PPARGC1A: variants seen among roughly 807,000 people sequenced by gnomAD.
PPARGC1A encodes the protein PPARG coactivator 1 alpha.
Under a neutral mutation model 88.7 loss-of-function variants are expected in PPARGC1A, and 25 were observed. The ratio of observed to expected loss-of-function variants is 0.28; its 90% confidence interval spans 0.21 to 0.39. The LOEUF (loss-of-function observed/expected upper bound fraction) is 0.39, where lower values mean the gene tolerates loss of function less well. Among genes scored for constraint, PPARGC1A ranks in the 10% least tolerant of loss-of-function variants. PPARGC1A has a pLI of 1.00. For synonymous variants in PPARGC1A, 363 were observed against 355.6 expected, an observed-to-expected ratio of 1.02 and a Z score of -0.24; for missense variants, 880 against 968.7, an observed-to-expected ratio of 0.91 and a Z score of 1.22.
At chr4:23,989,378 A>G in the PPARGC1A span, among the ~76,000 whole-genome samples, 5 of 152,002 alleles carry the variant, frequency 3.3e-5, no homozygotes, top group East Asian at 9.7e-4. Context: ...GGAATAGGGA[A>G]GTGTGGCATG....
At chr4:24,454,120 G>A in the PPARGC1A span, among the ~76,000 whole-genome samples, 1 of 151,730 alleles carries the variant, frequency 6.6e-6, no homozygotes, top group African/African-American at 2.4e-5. Context: ...GGCTGTGTTA[G>A]CCCCAATTCC....
chr4:24,045,878 C>T, the PPARGC1A span, among the ~76,000 whole-genome samples: 2 of 152,174 alleles, frequency 1.3e-5, no homozygotes, highest in African/African-American at 2.4e-5. Flanking sequence ...CGGGCTACAT[C>T]ACATAGCCCA....
chr4:24,410,271 A>C, the PPARGC1A span, among the ~76,000 whole-genome samples: 8 of 152,234 alleles, frequency 5.3e-5, no homozygotes, highest in Non-Finnish European at 8.8e-5. Flanking sequence ...AACATTAAAT[A>C]ACAATAGAAT....
chr4:24,104,057 TA>T, the PPARGC1A span, among the ~76,000 whole-genome samples: 1 of 152,176 alleles, frequency 6.6e-6, no homozygotes, highest in Admixed American at 6.5e-5. Flanking sequence ...TCACAGGTAT[TA>T]AAAATAGACT....
the PPARGC1A span, among the ~76,000 whole-genome samples, chr4:24,307,184 T>C: frequency 6.6e-6 from 1 of 152,126 alleles, no homozygotes; most frequent in Non-Finnish European, 1.5e-5. Context: ...CTGCAATACA[T>C]ACCCAAGTCT....
At chr4:24,401,558 A>C in the PPARGC1A span, among the ~76,000 whole-genome samples, 5 of 152,166 alleles carry the variant, frequency 3.3e-5, no homozygotes, top group African/African-American at 1.2e-4. Context: ...ATGTTTACTG[A>C]GCATGTACTA....
the PPARGC1A span, among the ~76,000 whole-genome samples, chr4:24,275,610 T>C: frequency 6.6e-6 from 1 of 152,180 alleles, no homozygotes; most frequent in Non-Finnish European, 1.5e-5. Context: ...TAAATAGGAT[T>C]TTTGCTTTAG....
At chr4:24,136,338 A>G in the PPARGC1A span, among the ~76,000 whole-genome samples, 1 of 152,220 alleles carries the variant, frequency 6.6e-6, no homozygotes, top group South Asian at 2.1e-4. Context: ...CATGTCCCAC[A>G]GTTGGATTTC....
chr4:24,316,967 T>C, the PPARGC1A span, among the ~76,000 whole-genome samples: 79 of 151,510 alleles, frequency 5.2e-4, no homozygotes, highest in Non-Finnish European at 1.1e-3. Flanking sequence ...GGAGAGGAAA[T>C]TTACATCATT....
the PPARGC1A span, among the ~76,000 whole-genome samples, chr4:24,127,429 A>G: frequency 1.3e-5 from 2 of 151,952 alleles, no homozygotes; most frequent in Admixed American, 1.3e-4. Context: ...ATTGTTTAGA[A>G]ATATGTTTAT....
At chr4:24,403,406 T>A in the PPARGC1A span, among the ~76,000 whole-genome samples, 1 of 152,218 alleles carries the variant, frequency 6.6e-6, no homozygotes, top group African/African-American at 2.4e-5. Flanking sequence ...AGCTTTGAAA[T>A]CAAATCACAC....
At chr4:24,365,343 T>C in the PPARGC1A span, among the ~76,000 whole-genome samples, 5 of 152,222 alleles carry the variant, frequency 3.3e-5, no homozygotes, top group East Asian at 1.9e-4. Flanking sequence ...ATTTATTCTC[T>C]GCCCGGTGAC....
At chr4:24,316,083 T>A in the PPARGC1A span, among the ~76,000 whole-genome samples, 1 of 152,228 alleles carries the variant, frequency 6.6e-6, no homozygotes, top group Admixed American at 6.5e-5. Flanking sequence ...TTCTGCTCAA[T>A]TTGTTTCTTC....
chr4:23,970,672 T>C, the PPARGC1A span, among the ~76,000 whole-genome samples: 1 of 152,218 alleles, frequency 6.6e-6, no homozygotes, highest in African/African-American at 2.4e-5. Flanking sequence ...GATCAATTTA[T>C]TCTGGTGAGT....
At chr4:23,836,429 G>A (rs1281643898) in intron 2 of PPARGC1A, among the ~76,000 whole-genome samples, 1 of 152,154 alleles carries the variant, frequency 6.6e-6, no homozygotes, top group Non-Finnish European at 1.5e-5. Flanking sequence ...CTCTAAGGGC[G>A]CTCTAGGAAG....
chr4:24,445,992 G>C, the PPARGC1A span, among the ~76,000 whole-genome samples: 2 of 152,082 alleles, frequency 1.3e-5, no homozygotes, highest in African/African-American at 4.8e-5. Flanking sequence ...CTTGAACCTG[G>C]GAGGCAGAGA....
At chr4:23,952,223 A>C in the PPARGC1A span, among the ~76,000 whole-genome samples, 1 of 152,162 alleles carries the variant, frequency 6.6e-6, no homozygotes, top group Non-Finnish European at 1.5e-5. Context: ...AAATCATCTG[A>C]AAGAGAAAAC....
chr4:24,308,980 AAG>A, the PPARGC1A span, among the ~76,000 whole-genome samples: 1 of 152,138 alleles, frequency 6.6e-6, no homozygotes, highest in Admixed American at 6.5e-5. Flanking sequence ...AGAAAAGAGA[AAG>A]AATTTAGAAA....
the PPARGC1A span, among the ~76,000 whole-genome samples, chr4:23,980,876 G>T: frequency 6.6e-6 from 1 of 152,126 alleles, no homozygotes. Context: ...AAAGGAGTCT[G>T]GGAAACAAGT....
Sources: gnomAD v4.1 joint callset for allele counts (sites outside exome capture counted in the v4.1 genomes callset) on GRCh38, gnomAD v4.1.1 for gene constraint, MANE v1.5 for transcripts, NCBI Gene and HGNC (gene_info 2026-07-23, HGNC 2026-07-21) for gene names.